ATP10A: variants seen among roughly 807,000 people sequenced by gnomAD.
ATP10A encodes the protein phospholipid-transporting ATPase VA.
In ATP10A, 111 loss-of-function variants were observed where a neutral mutation model predicts 147.8. The observed-to-expected ratio is 0.75, with a 90% CI of 0.64 to 0.88. The LOEUF is 0.88. ATP10A is among the 40% of genes least tolerant of loss of function. The probability of loss-of-function intolerance (pLI) is 0.00; values close to 1 mark genes in which losing one functional copy is unlikely to be tolerated. For synonymous variants in ATP10A, 875 were observed against 841.6 expected (o/e 1.04, Z -0.69); for missense variants, 1,927 against 1,959.0 (o/e 0.98, Z 0.31).
chr15:25,809,821 G>C (rs1242846922), intron 1 of ATP10A, among the ~76,000 whole-genome samples: 1 of 152,136 alleles, frequency 6.6e-6, no homozygotes, highest in African/African-American at 2.4e-5. Flanking sequence ...AGGGACTGGA[G>C]ACACCTAGTC....
intron 2 of ATP10A, among the ~76,000 whole-genome samples, chr15:25,765,519 C>T (rs1888972487): frequency 1.3e-5 from 2 of 151,870 alleles, no homozygotes; most frequent in South Asian, 4.2e-4. Context: ...ATATCACATC[C>T]CTCACCGCGG....
intron 1 of ATP10A, among the ~76,000 whole-genome samples, chr15:25,812,190 G>T (rs1891464350): frequency 6.6e-6 from 1 of 152,134 alleles, no homozygotes; most frequent in South Asian, 2.1e-4. Flanking sequence ...GTTGCTAACA[G>T]TTTCCTTAGT....
In ATP10A at chr15:25,839,028, C is replaced by T. The variant is rs116751985; in HGVS notation, c.449+23620G>A. ...ATTTATTTCTCTTTGGTGTCCATTT[C>T]TCATAACTGTGTTACAAAGGCGTGT... On this transcript the variant is annotated intron_variant, in intron 1 of 20. Transcript: ENST00000555815. Among the ~76,000 whole-genome samples, 1,126 of 152,268 alleles carry T rather than the reference C, an allele frequency of 7.4e-3. 12 individuals carry two copies. The highest frequency in any genetic ancestry group is 0.024 in the African/African-American group (1,011 of 41,542).
At chr15:25,706,016 C>T (rs768802022) in intron 12 of ATP10A, among the ~76,000 whole-genome samples, 3 of 152,138 alleles carry the variant, frequency 2.0e-5, no homozygotes, top group Non-Finnish European at 2.9e-5. Context: ...TTTGGAGAAA[C>T]GCTGATGACC....
At chr15:25,696,806 T>A (rs1471992448) in intron 13 of ATP10A, among the ~76,000 whole-genome samples, 2 of 152,234 alleles carry the variant, frequency 1.3e-5, no homozygotes. Context: ...CAATTTTATT[T>A]ATTCTTTTTC....
intron 1 of ATP10A, among the ~76,000 whole-genome samples, chr15:25,785,514 G>A (rs1044578688): frequency 6.6e-5 from 10 of 152,168 alleles, no homozygotes; most frequent in African/African-American, 2.4e-4. Flanking sequence ...ACTTAATAAC[G>A]TCCATTCTCG....
At chr15:25,807,028 CGGGCT>C (rs1187198159) in intron 1 of ATP10A, among the ~76,000 whole-genome samples, 1 of 152,210 alleles carries the variant, frequency 6.6e-6, no homozygotes, top group East Asian at 1.9e-4. Context: ...GGGCATCCAC[CGGGCT>C]GGAAAGAGCA....
chr15:25,861,911 C>A (rs535749114), intron 1 of ATP10A: 4 of 225,382 alleles, frequency 1.8e-5, no homozygotes, highest in South Asian at 1.5e-4. Flanking sequence ...GACAGGTCCG[C>A]CGGAGACTCT....
intron 16 of ATP10A, among the ~76,000 whole-genome samples, chr15:25,685,623 G>C (rs1899670094): frequency 6.6e-6 from 1 of 152,056 alleles, no homozygotes; most frequent in African/African-American, 2.4e-5. Flanking sequence ...TTGAGGCCAG[G>C]AGTTTGACAC....
chr15:25,763,261 A>G (rs1375970999), intron 2 of ATP10A, among the ~76,000 whole-genome samples: 1 of 152,184 alleles, frequency 6.6e-6, no homozygotes, highest in Non-Finnish European at 1.5e-5. Context: ...GAATTCTTGA[A>G]ATAAATTATT....
intron 1 of ATP10A, among the ~76,000 whole-genome samples, chr15:25,833,418 G>A (rs1181141618): frequency 6.6e-6 from 1 of 152,158 alleles, no homozygotes; most frequent in Non-Finnish European, 1.5e-5. Flanking sequence ...CCGCAGAGCC[G>A]AAGATGACTG....
At chr15:25,775,702 G>T (rs954643375) in intron 2 of ATP10A, among the ~76,000 whole-genome samples, 6 of 152,248 alleles carry the variant, frequency 3.9e-5, no homozygotes, top group Non-Finnish European at 8.8e-5. Flanking sequence ...GTGTGGCTGG[G>T]ATTGTGGGCA....
At chr15:25,694,094 C>A (rs1005499290) in intron 14 of ATP10A, among the ~76,000 whole-genome samples, 1 of 151,874 alleles carries the variant, frequency 6.6e-6, no homozygotes, top group African/African-American at 2.4e-5. Context: ...TGCTGCTGAG[C>A]CCCTGAACCT....
chr15:25,783,430 C>A (rs186614986), intron 1 of ATP10A, among the ~76,000 whole-genome samples: 1 of 151,634 alleles, frequency 6.6e-6, no homozygotes, highest in Non-Finnish European at 1.5e-5. Flanking sequence ...GGAAGCCACA[C>A]GCCAATTTTC....
intron 1 of ATP10A, among the ~76,000 whole-genome samples, chr15:25,810,393 A>C (rs912222503): frequency 6.6e-6 from 1 of 152,200 alleles, no homozygotes. Context: ...ACTGCTTATC[A>C]GCAGTTCCAG....
chr15:25,708,461 G>A (rs1442313425), intron 10 of ATP10A, 161 bp from the exon 11 acceptor site: 2 of 489,910 alleles, frequency 4.1e-6, no homozygotes, highest in Non-Finnish European at 6.7e-6. Context: ...TTTTAAAAAA[G>A]AGTCTCATCA....
Position 25,726,099 on chromosome 15 carries a change from A to G in ATP10A, c.848-17T>C. On this transcript the variant is annotated splice_polypyrimidine_tract_variant and intron_variant, in intron 4 of 20. Coordinates refer to ENST00000555815, the MANE Select transcript of ATP10A (RefSeq NM_024490.4). ...TTTCATGTCCTGTCGGGGAGGACAA[A>G]GAGACATGGCAAGTCAGAGACTGGA... 6.2e-7 allele frequency: 1 copy of G among 1,611,734 alleles called. No homozygotes were observed. Among genetic ancestry groups the G allele is most frequent in the Non-Finnish European group, 8.5e-7 (1 of 1,178,388 alleles).
At chr15:25,828,612 AC>A (rs1437173515) in intron 1 of ATP10A, among the ~76,000 whole-genome samples, 1 of 152,238 alleles carries the variant, frequency 6.6e-6, no homozygotes, top group African/African-American at 2.4e-5. Context: ...AATCCAACAC[AC>A]CAAAACATAC....
At chr15:25,710,708 A>AAAACATAT (rs1473659125) in intron 10 of ATP10A, 4 of 152,186 alleles carry the variant, frequency 2.6e-5, no homozygotes, top group Admixed American at 2.0e-4. Context: ...CATCATGCAA[A>AAAACATAT]AAACATATAC....
Sources: allele counts gnomAD v4.1 joint callset (sites outside exome capture counted in the v4.1 genomes callset), GRCh38; gene constraint gnomAD v4.1.1; transcripts MANE v1.5; gene names NCBI Gene and HGNC (gene_info 2026-07-23, HGNC 2026-07-21).